The following IL1RAPL2 variants were observed in gnomAD, a reference collection of about 807,000 sequenced individuals.
The protein encoded by IL1RAPL2 is X-linked interleukin-1 receptor accessory protein-like 2.
Under a neutral mutation model 44.1 loss-of-function variants are expected in IL1RAPL2, and 3 were observed. The observed-to-expected ratio is 0.07, with a 90% CI of 0.03 to 0.18. The LOEUF (loss-of-function observed/expected upper bound fraction) is 0.18. Among genes scored for constraint, IL1RAPL2 ranks in the 10% least tolerant of loss-of-function variants. IL1RAPL2 has a pLI of 1.00. For missense variants in IL1RAPL2, 391 were observed against 496.4 expected, an observed-to-expected ratio of 0.79 and a Z score of 2.02; for synonymous variants, 181 against 178.8, an observed-to-expected ratio of 1.01 and a Z score of -0.10.
At chrX:105,739,918 C>T (rs967229141) in intron 7 of IL1RAPL2, among the ~76,000 whole-genome samples, 4 of 102,073 alleles carry the variant, frequency 3.9e-5, no homozygotes, top group Admixed American at 3.3e-4. Flanking sequence ...CCTGAGGAAT[C>T]GCCACACTGA....
At chrX:105,677,473 A>G (rs904863366) in intron 6 of IL1RAPL2, among the ~76,000 whole-genome samples, 4 of 112,537 alleles carry the variant, frequency 3.6e-5, no homozygotes, top group Non-Finnish European at 7.5e-5. Flanking sequence ...ACAAACAAAG[A>G]GAAATACTTG....
At chrX:105,736,610 T>C (rs2038451502) in intron 7 of IL1RAPL2, among the ~76,000 whole-genome samples, 2 of 110,116 alleles carry the variant, frequency 1.8e-5, no homozygotes, top group South Asian at 7.4e-4. Context: ...CAAACAAGCA[T>C]ATGTAAAAAT....
intron 7 of IL1RAPL2, among the ~76,000 whole-genome samples, chrX:105,721,991 GAGT>G (rs1159014020): frequency 1.8e-5 from 2 of 111,834 alleles, no homozygotes; most frequent in African/African-American, 3.3e-5. Context: ...ATATAGTCAG[GAGT>G]TGCCTAATGA....
At chrX:105,615,791 AT>A (rs1428813746) in intron 6 of IL1RAPL2, among the ~76,000 whole-genome samples, 1 of 112,255 alleles carries the variant, frequency 8.9e-6, no homozygotes, top group African/African-American at 3.2e-5. Context: ...TAGTAAAAAA[AT>A]AATTTAGTTG....
At chrX:105,050,818 G>A in intron 2 of IL1RAPL2, among the ~76,000 whole-genome samples, 1 of 112,431 alleles carries the variant, frequency 8.9e-6, no homozygotes. Flanking sequence ...CAGCAGAGAG[G>A]AGGCCCTGGA....
intron 1 of IL1RAPL2, among the ~76,000 whole-genome samples, chrX:104,612,134 G>C (rs1929175139): frequency 8.9e-6 from 1 of 111,869 alleles, no homozygotes; most frequent in African/African-American, 3.2e-5. Flanking sequence ...CCAATAGGTA[G>C]GTCGTCTGTT....
intron 6 of IL1RAPL2, among the ~76,000 whole-genome samples, chrX:105,588,108 TTA>T (rs1435673902): frequency 3.8e-4 from 42 of 111,506 alleles, no homozygotes; most frequent in African/African-American, 1.2e-3. Flanking sequence ...CTTATTTATT[TTA>T]TATCTTATTT....
At chrX:105,747,484 GTGTGTGTA>G (rs1162409722) in intron 8 of IL1RAPL2, among the ~76,000 whole-genome samples, 36 of 61,980 alleles carry the variant, frequency 5.8e-4, no homozygotes, top group Middle Eastern at 7.7e-3. Context: ...CTCTCTCTGT[GTGTGTGTA>G]TGTGTGTGTG....
At chrX:105,030,218 T>C (rs1406262215) in intron 2 of IL1RAPL2, among the ~76,000 whole-genome samples, 2 of 111,764 alleles carry the variant, frequency 1.8e-5, no homozygotes, top group East Asian at 5.6e-4. Flanking sequence ...TGATGGTAGT[T>C]TCTTTTGCTG....
intron 2 of IL1RAPL2, among the ~76,000 whole-genome samples, chrX:104,967,254 G>A (rs2030142695): frequency 9.0e-6 from 1 of 110,517 alleles, no homozygotes. Context: ...AAATAACAAG[G>A]GGATTATTTT....
At chrX:104,612,849 T>G (rs1435964566) in intron 1 of IL1RAPL2, among the ~76,000 whole-genome samples, 1 of 111,419 alleles carries the variant, frequency 9.0e-6, no homozygotes, top group African/African-American at 3.3e-5. Context: ...TATAATTTAT[T>G]TCATCGGTGT....
At chrX:104,647,852 AC>A in intron 1 of IL1RAPL2, 1 of 596,304 alleles carries the variant, frequency 1.7e-6, no homozygotes. Flanking sequence ...CCCTTCCCCT[AC>A]CACAATGTCC....
intron 6 of IL1RAPL2, among the ~76,000 whole-genome samples, chrX:105,587,108 C>T (rs1441466760): frequency 1.8e-5 from 2 of 111,385 alleles, no homozygotes; most frequent in African/African-American, 3.3e-5. Flanking sequence ...TATAGTCCTC[C>T]CTGTATTTAA....
chrX:104,707,170 A>G (rs1466621603), intron 2 of IL1RAPL2, among the ~76,000 whole-genome samples: 2 of 111,491 alleles, frequency 1.8e-5, no homozygotes, highest in East Asian at 5.7e-4. Context: ...CGAATCTGTC[A>G]GATTTAACTG....
At chrX:105,713,586 G>A (rs759790409) in intron 6 of IL1RAPL2, among the ~76,000 whole-genome samples, 27 of 111,306 alleles carry the variant, frequency 2.4e-4, no homozygotes, top group African/African-American at 7.8e-4. Flanking sequence ...TACAATTTGC[G>A]ATGAGATTTG....
At chrX:104,597,341 T>C (rs1928784690) in intron 1 of IL1RAPL2, among the ~76,000 whole-genome samples, 1 of 65,834 alleles carries the variant, frequency 1.5e-5, no homozygotes. Flanking sequence ...TGAGACTCCA[T>C]CTCTTAAAAA....
chrX:105,709,655 C>T (rs1471057897), intron 6 of IL1RAPL2, among the ~76,000 whole-genome samples: 2 of 111,387 alleles, frequency 1.8e-5, no homozygotes, highest in Non-Finnish European at 3.8e-5. Flanking sequence ...ATAACGTTGA[C>T]GTCCTAACAC....
chrX:104,770,738 AT>A (rs1257655751), intron 2 of IL1RAPL2, among the ~76,000 whole-genome samples: 2 of 111,989 alleles, frequency 1.8e-5, no homozygotes, highest in Non-Finnish European at 3.8e-5. Flanking sequence ...AGACTCACTT[AT>A]TTTTTAACTT....
chrX:104,920,425 G>A (rs1247001199), intron 2 of IL1RAPL2, among the ~76,000 whole-genome samples: 2 of 109,246 alleles, frequency 1.8e-5, no homozygotes, highest in South Asian at 8.3e-4. Flanking sequence ...GGTGGGAGGT[G>A]ATCATGTCAT....
Sources: allele counts gnomAD v4.1 joint callset (sites outside exome capture counted in the v4.1 genomes callset), GRCh38; gene constraint gnomAD v4.1.1; transcripts MANE v1.5; gene names NCBI Gene and HGNC (gene_info 2026-07-23, HGNC 2026-07-21).